NBAS: variants seen among roughly 807,000 people sequenced by gnomAD.
The protein encoded by NBAS is NBAS subunit of NRZ tethering complex, also known as NAG/BC035112 fusion.
In NBAS, 219 loss-of-function variants were observed where a neutral mutation model predicts 302.5. The ratio of observed to expected loss-of-function variants is 0.72; its 90% CI spans 0.65 to 0.81. NBAS has a LOEUF of 0.81. Ranked by LOEUF, NBAS falls within the 30% of genes least tolerant of loss-of-function variation. The pLI is 0.00. For synonymous variants in NBAS, 1,118 were observed against 1,021.6 expected, an observed-to-expected ratio of 1.09 and a Z score of -1.80; for missense variants, 2,932 against 2,841.6, an observed-to-expected ratio of 1.03 and a Z score of -0.72.
chr2:15,125,777 G>A, the NBAS span, among the ~76,000 whole-genome samples: 1 of 152,216 alleles, frequency 6.6e-6, no homozygotes, highest in East Asian at 1.9e-4. Context: ...TATCTTGGAA[G>A]TAAGTAATTT....
chr2:15,474,448 A>C, intron 14 of NBAS, 124 bp from the exon 15 acceptor site: 1 of 1,033,134 alleles, frequency 9.7e-7, no homozygotes, highest in Non-Finnish European at 1.4e-6. Flanking sequence ...CTATGTGATC[A>C]AGATTAACAA....
chr2:15,389,777 G>C (rs189176756), intron 28 of NBAS, among the ~76,000 whole-genome samples: 1 of 152,316 alleles, frequency 6.6e-6, no homozygotes, highest in African/African-American at 2.4e-5. Context: ...GTTGTTGTTT[G>C]AGACAAGGTC....
the NBAS span, among the ~76,000 whole-genome samples, chr2:15,054,894 T>C: frequency 6.6e-6 from 1 of 152,222 alleles, no homozygotes; most frequent in Non-Finnish European, 1.5e-5. Flanking sequence ...AGAAACATTG[T>C]TTTCTGGCCA....
chr2:14,962,273 C>T, the NBAS span, among the ~76,000 whole-genome samples: 1 of 152,278 alleles, frequency 6.6e-6, no homozygotes, highest in East Asian at 1.9e-4. Flanking sequence ...TGACAGCATG[C>T]ATTAAACAGC....
At chr2:14,959,490 C>T in the NBAS span, among the ~76,000 whole-genome samples, 1 of 152,176 alleles carries the variant, frequency 6.6e-6, no homozygotes, top group African/African-American at 2.4e-5. Flanking sequence ...GTGATCAAGG[C>T]TCTCTCTTTC....
At chr2:14,936,088 C>T in the NBAS span, among the ~76,000 whole-genome samples, 1 of 152,270 alleles carries the variant, frequency 6.6e-6, no homozygotes, top group Non-Finnish European at 1.5e-5. Flanking sequence ...GTTGTTTCTA[C>T]CAGGACAATC....
the NBAS span, among the ~76,000 whole-genome samples, chr2:14,789,165 C>T: frequency 4.3e-4 from 66 of 152,272 alleles, no homozygotes; most frequent in Non-Finnish European, 8.4e-4. Flanking sequence ...CCTGGTGTGC[C>T]GTTTTTTAAG....
chr2:15,289,316 G>A (rs1400054199), intron 41 of NBAS, among the ~76,000 whole-genome samples: 1 of 152,270 alleles, frequency 6.6e-6, no homozygotes, highest in Middle Eastern at 3.4e-3. Flanking sequence ...TGCCAGGGCT[G>A]GTAGTGAACT....
intron 19 of NBAS, 30 bp from the exon 20 acceptor site, chr2:15,461,821 A>T: frequency 7.8e-7 from 1 of 1,279,180 alleles, no homozygotes; most frequent in Non-Finnish European, 1.1e-6. Context: ...AAAGTGATTT[A>T]ATGAAAAGGC....
At chr2:15,453,235 C>A (rs1202874827) in intron 21 of NBAS, among the ~76,000 whole-genome samples, 3 of 152,034 alleles carry the variant, frequency 2.0e-5, no homozygotes, top group Non-Finnish European at 4.4e-5. Context: ...CAGGAATGAC[C>A]CAGGGTTAGC....
chr2:15,503,736 G>A (rs989443584), intron 11 of NBAS, among the ~76,000 whole-genome samples: 1 of 152,096 alleles, frequency 6.6e-6, no homozygotes, highest in Admixed American at 6.5e-5. Context: ...TGGAGCATCA[G>A]TAATCTCAGA....
At chr2:15,279,543 A>G (rs1669735428) in intron 42 of NBAS, among the ~76,000 whole-genome samples, 1 of 152,230 alleles carries the variant, frequency 6.6e-6, no homozygotes, top group Non-Finnish European at 1.5e-5. Flanking sequence ...TACAAAATGG[A>G]CAATGACTAT....
chr2:14,936,962 C>G, the NBAS span, among the ~76,000 whole-genome samples: 6,361 of 152,170 alleles, frequency 0.042, 413 homozygotes, highest in African/African-American at 0.14. Flanking sequence ...ACCAATGAGC[C>G]TTAATACCAT....
chr2:15,440,434 C>T (rs540551884), intron 21 of NBAS, among the ~76,000 whole-genome samples: 3 of 152,306 alleles, frequency 2.0e-5, no homozygotes, highest in African/African-American at 7.2e-5. Context: ...TCCAACAGAC[C>T]TGCAGCTGAG....
At chr2:14,921,757 G>A in the NBAS span, among the ~76,000 whole-genome samples, 1 of 152,106 alleles carries the variant, frequency 6.6e-6, no homozygotes, top group Non-Finnish European at 1.5e-5. Flanking sequence ...AGCTACAGAA[G>A]TCATCCTTCC....
chr2:14,952,543 G>C, the NBAS span, among the ~76,000 whole-genome samples: 7,515 of 152,264 alleles, frequency 0.049, 595 homozygotes, highest in African/African-American at 0.17. Context: ...AAAGCTGTAA[G>C]AAAGCTACCT....
chr2:15,358,476 T>C (rs1673734804), intron 32 of NBAS, among the ~76,000 whole-genome samples: 1 of 152,096 alleles, frequency 6.6e-6, no homozygotes, highest in African/African-American at 2.4e-5. Flanking sequence ...ATGTGGTTTC[T>C]CTCCGTTGCC....
chr2:15,360,033 T>G (rs1366750694), intron 32 of NBAS, among the ~76,000 whole-genome samples: 1 of 152,090 alleles, frequency 6.6e-6, no homozygotes, highest in Non-Finnish European at 1.5e-5. Context: ...TATGGGCAAC[T>G]GGAATGCAAT....
In NBAS at chr2:15,232,482, C is replaced by T; in HGVS notation, c.6176G>A (p.Arg2059Lys). 2.5e-6 allele frequency: 4 copies of T among 1,613,994 alleles called. No homozygotes were observed. Among genetic ancestry groups the T allele is most frequent in the Middle Eastern group, 1.7e-4 (1 of 6,060 alleles). ...ACCTTCCAGGACCTTCAGTGGGTCC[C>T]TTGGCCCACCAAGGTCAGCACTGCC... Reference protein sequence around the residue: ...SGGSADLGGPRDPLKVLEGVV... With the variant: ...SGGSADLGGPKDPLKVLEGVV... Residue 2059 changes from arginine (R) to lysine (K), a missense_variant, in exon 47 of 52, where the codon AGG (arginine) becomes AAG (lysine). Coordinates refer to ENST00000281513, the MANE Select transcript of NBAS (RefSeq NM_015909.4).
Sources: allele counts gnomAD v4.1 joint callset (sites outside exome capture counted in the v4.1 genomes callset), GRCh38; gene constraint gnomAD v4.1.1; transcripts MANE v1.5; gene names NCBI Gene and HGNC (gene_info 2026-07-23, HGNC 2026-07-21).